FBXW7: variants seen among roughly 807,000 people sequenced by gnomAD.
FBXW7 encodes the protein F-box/WD repeat-containing protein 7.
Under a neutral mutation model 86.3 loss-of-function variants are expected in FBXW7, and 11 were observed. The ratio of observed to expected loss-of-function variants is 0.13; its 90% CI spans 0.08 to 0.21. FBXW7 has a LOEUF of 0.21. FBXW7 is among the 10% of genes least tolerant of loss of function. FBXW7 has a pLI of 1.00. For synonymous variants in FBXW7, 313 were observed against 297.9 expected, an observed-to-expected ratio of 1.05 and a Z score of -0.52; for missense variants, 488 against 847.4, an observed-to-expected ratio of 0.58 and a Z score of 5.27.
intron 2 of FBXW7, among the ~76,000 whole-genome samples, chr4:152,437,056 T>A (rs1740445822): frequency 6.6e-6 from 1 of 152,196 alleles, no homozygotes; most frequent in Non-Finnish European, 1.5e-5. Context: ...ATTAGCTGTT[T>A]TATATATATA....
intron 2 of FBXW7, among the ~76,000 whole-genome samples, chr4:152,444,485 G>A (rs1741195858): frequency 6.6e-6 from 1 of 152,106 alleles, no homozygotes; most frequent in African/African-American, 2.4e-5. Flanking sequence ...TAGGTTTTCT[G>A]AGTCAAAGTT....
intron 2 of FBXW7, among the ~76,000 whole-genome samples, chr4:152,462,090 G>T (rs1454319784): frequency 6.6e-6 from 1 of 152,160 alleles, no homozygotes; most frequent in Non-Finnish European, 1.5e-5. Flanking sequence ...CCTTCCAGCT[G>T]CTTCCTTCTT....
chr4:152,532,147 C>T (rs1043622859), intron 2 of FBXW7, among the ~76,000 whole-genome samples: 1 of 152,184 alleles, frequency 6.6e-6, no homozygotes, highest in Non-Finnish European at 1.5e-5. Flanking sequence ...ACCTGCTAAA[C>T]TATTTTGCTG....
intron 4 of FBXW7, among the ~76,000 whole-genome samples, chr4:152,379,367 G>T (rs994978243): frequency 7.2e-5 from 11 of 151,992 alleles, no homozygotes; most frequent in African/African-American, 2.7e-4. Flanking sequence ...GTTAAAAATT[G>T]TATTCCCAAA....
chr4:152,330,546 AGTT>A (rs1729458497), intron 9 of FBXW7, among the ~76,000 whole-genome samples, 183 bp downstream of exon 9: 1 of 152,122 alleles, frequency 6.6e-6, no homozygotes, highest in South Asian at 2.1e-4. Context: ...AAGCACAATT[AGTT>A]GTCAGATTAG....
intron 4 of FBXW7, chr4:152,382,463 C>T: frequency 8.2e-7 from 1 of 1,222,842 alleles, no homozygotes; most frequent in Non-Finnish European, 1.0e-6. Flanking sequence ...AACCCAAGGC[C>T]TGCTGCTTTT....
chr4:152,398,454 G>A (rs1448390848), intron 4 of FBXW7, among the ~76,000 whole-genome samples: 1 of 151,222 alleles, frequency 6.6e-6, no homozygotes, highest in Admixed American at 6.6e-5. Context: ...GCTTTCTTTT[G>A]AATTACTATC....
chr4:152,369,306 T>C (rs991660969), intron 4 of FBXW7, among the ~76,000 whole-genome samples: 3 of 152,102 alleles, frequency 2.0e-5, no homozygotes, highest in Admixed American at 2.0e-4. Context: ...TAAGGCTTAG[T>C]AAGTGGTACA....
chr4:152,331,398 A>T (rs1729551980), intron 8 of FBXW7, among the ~76,000 whole-genome samples: 1 of 152,098 alleles, frequency 6.6e-6, no homozygotes, highest in African/African-American at 2.4e-5. Context: ...GAATAAAGGA[A>T]ATTCTGACAC....
At position 152,332,656 on chromosome 4, in the gene FBXW7, G is replaced by A. The variant is rs1217890531; in HGVS notation, c.925C>T (p.Arg309Cys). The A allele has an allele frequency of 3.7e-6, 6 of 1,606,248 alleles. No individual in the cohort carries two copies. The highest frequency in any genetic ancestry group is 1.1e-5 in the South Asian group (1 of 90,732). Residue 309 changes from arginine (R) to cysteine (C), a missense_variant, in exon 8 of 14, where the codon CGC becomes TGC. This residue lies in a region of FBXW7 where 59 missense variants were observed against 137.9 expected (regional missense o/e 0.43). Transcript: ENST00000281708. ...KDLLQAAQTC[R>C]YWRILAEDNL... ...TCTTCAGCCAAAATTCTCCAGTAGC[G>A]ACATGTCTGAGCTGCTTGTAGCAGG...
At chr4:152,436,275 G>A (rs1490569547) in intron 2 of FBXW7, among the ~76,000 whole-genome samples, 1 of 152,156 alleles carries the variant, frequency 6.6e-6, no homozygotes, top group Non-Finnish European at 1.5e-5. Context: ...TGAATAAAAG[G>A]TCAAATCAAC....
In FBXW7 at chr4:152,322,237, A is replaced by G. The variant is rs1159737887; in HGVS notation, c.*644T>C. The G allele has an allele frequency of 3.0e-5, 7 of 232,064 alleles. No homozygotes were observed. Among genetic ancestry groups the G allele is most frequent in the Non-Finnish European group, 6.0e-5 (7 of 117,332 alleles). The allele number at this position is 232,064 out of a possible 1,614,324, so 14.4% of individuals were successfully genotyped here. A position where few individuals can be genotyped will look rare whatever the true frequency, so the allele number is the denominator to read the frequency against. ...GGACAACTTGCCACCTTTGAGCAAC[A>G]TATGCATTGAAGAATGTATATGGAA... On this transcript the variant is annotated 3_prime_UTR_variant, in exon 14 of 14. Transcript: ENST00000281708.
intron 4 of FBXW7, among the ~76,000 whole-genome samples, chr4:152,371,330 A>G (rs1328308907): frequency 6.6e-6 from 1 of 152,018 alleles, no homozygotes; most frequent in African/African-American, 2.4e-5. Context: ...TAATTCAGAA[A>G]GAAATCACTA....
intron 2 of FBXW7, among the ~76,000 whole-genome samples, chr4:152,423,748 T>C (rs986990583): frequency 6.6e-6 from 1 of 152,194 alleles, no homozygotes; most frequent in Admixed American, 6.5e-5. Context: ...ATTGTATTAT[T>C]CCACTTTAAA....
chr4:152,322,724 A>G lies in FBXW7; in HGVS notation c.*157T>C. 1 of 1,184,252 alleles carries G rather than the reference A, an allele frequency of 8.4e-7. No individual in the cohort carries two copies. Among genetic ancestry groups the G allele is most frequent in the Non-Finnish European group, 1.1e-6 (1 of 874,938 alleles). The allele number at this position is 1,184,252 out of a possible 1,614,324, so 73.4% of individuals were successfully genotyped here. On this transcript the variant is annotated 3_prime_UTR_variant, in exon 14 of 14. Coordinates refer to ENST00000281708, the MANE Select transcript of FBXW7 (RefSeq NM_001349798.2). ...GTCATCTCTTCTTCTTTTCCTTCTTAGTCTGTAGGTCTTTTCAATCTGTTG... is the reference window on the plus strand; with the variant it reads ...GTCATCTCTTCTTCTTTTCCTTCTTGGTCTGTAGGTCTTTTCAATCTGTTG...
intron 2 of FBXW7, among the ~76,000 whole-genome samples, chr4:152,467,885 G>A (rs1262056779): frequency 6.6e-6 from 1 of 151,974 alleles, no homozygotes; most frequent in African/African-American, 2.4e-5. Context: ...TAATCCATAG[G>A]AGAAAATATT....
chr4:152,381,190 G>A (rs1489035756), intron 4 of FBXW7, among the ~76,000 whole-genome samples: 2 of 152,024 alleles, frequency 1.3e-5, no homozygotes, highest in African/African-American at 4.8e-5. Flanking sequence ...TTTTTATGAA[G>A]GTTAAGTTCC....
intron 2 of FBXW7, among the ~76,000 whole-genome samples, chr4:152,412,879 A>G (rs1054642122): frequency 1.6e-4 from 25 of 152,034 alleles, no homozygotes; most frequent in Non-Finnish European, 3.2e-4. Flanking sequence ...TCTTTTTATC[A>G]TATTTCTCAA....
chr4:152,494,308 A>G (rs1453048035), intron 2 of FBXW7, among the ~76,000 whole-genome samples: 1 of 152,224 alleles, frequency 6.6e-6, no homozygotes, highest in Non-Finnish European at 1.5e-5. Context: ...ACTGGAAAGT[A>G]ACAGGAAAAG....
Sources: gnomAD v4.1 joint callset for allele counts (sites outside exome capture counted in the v4.1 genomes callset) on GRCh38, gnomAD v4.1.1 for gene constraint, gnomAD v4.1.1 regional missense constraint, MANE v1.5 for transcripts, NCBI Gene and HGNC (gene_info 2026-07-23, HGNC 2026-07-21) for gene names.